ADCYAP1R1: variants seen among roughly 807,000 people sequenced by gnomAD.
The protein encoded by ADCYAP1R1 is pituitary adenylate cyclase-activating polypeptide type I receptor.
A neutral mutation model predicts 67.6 loss-of-function variants in ADCYAP1R1; 44 were observed. The ratio of observed to expected loss-of-function variants is 0.65; its 90% confidence interval spans 0.51 to 0.84. ADCYAP1R1 has a LOEUF of 0.84. Ranked by LOEUF, ADCYAP1R1 falls within the 40% of genes least tolerant of loss-of-function variation. ADCYAP1R1 has a pLI of 0.00. For missense variants in ADCYAP1R1, 477 were observed against 587.9 expected (o/e 0.81, Z 1.95); for synonymous variants, 222 against 219.6 (o/e 1.01, Z -0.10).
intron 12 of ADCYAP1R1, 100 bp from the exon 13 acceptor site, chr7:31,092,544 A>G (rs1796005149): frequency 1.2e-6 from 1 of 826,154 alleles, no homozygotes; most frequent in Non-Finnish European, 2.0e-6. Flanking sequence ...TTAGAAGTGT[A>G]GATGGGATCT....
intron 13 of ADCYAP1R1, among the ~76,000 whole-genome samples, chr7:31,094,390 C>T (rs1432316899): frequency 6.6e-6 from 1 of 152,038 alleles, no homozygotes; most frequent in Non-Finnish European, 1.5e-5. Flanking sequence ...GGACACTGCC[C>T]TTGTGTCTGG....
chr7:31,092,843 A>G (rs1409346653), intron 13 of ADCYAP1R1, 108 bp downstream of exon 13: 5 of 749,650 alleles, frequency 6.7e-6, no homozygotes, highest in South Asian at 3.4e-5. Context: ...GTGACCTAGC[A>G]TCAGCATTTG....
In ADCYAP1R1 at chr7:31,085,308, A is replaced by C; in HGVS notation, c.537-2A>C. The C allele has an allele frequency of 6.2e-7, 1 of 1,613,032 alleles. No individual in the cohort carries two copies. The highest frequency in any genetic ancestry group is 8.5e-7 in the Non-Finnish European group (1 of 1,179,528). On this transcript the variant is annotated splice_acceptor_variant, in intron 8 of 15. Transcript: ENST00000304166. LOFTEE classifies it high-confidence loss of function. Reference sequence around the variant, plus strand: ...TCTTTCTCCCCTGGCCCACTCATGTAGGAAGCTGCACTGCACACGCAACTT... The same window carrying C: ...TCTTTCTCCCCTGGCCCACTCATGTCGGAAGCTGCACTGCACACGCAACTT...
At chr7:31,092,286 C>G (rs1338111661) in intron 12 of ADCYAP1R1, among the ~76,000 whole-genome samples, 2 of 151,726 alleles carry the variant, frequency 1.3e-5, no homozygotes, top group Non-Finnish European at 2.9e-5. Flanking sequence ...CTTGGAATTT[C>G]TCTACAGAAC....
intron 14 of ADCYAP1R1, among the ~76,000 whole-genome samples, chr7:31,104,136 C>T (rs1256983240): frequency 6.6e-6 from 1 of 152,130 alleles, no homozygotes; most frequent in Non-Finnish European, 1.5e-5. Context: ...TGGGTCTCAC[C>T]TGAGACTGGC....
chr7:31,083,261 A>T (rs886339274), intron 6 of ADCYAP1R1, among the ~76,000 whole-genome samples: 12 of 152,238 alleles, frequency 7.9e-5, no homozygotes, highest in Non-Finnish European at 1.2e-4. Context: ...CCTGCCCTGG[A>T]CATGAGTGGC....
chr7:31,066,555 A>G (rs1794746922), intron 3 of ADCYAP1R1, among the ~76,000 whole-genome samples: 1 of 150,242 alleles, frequency 6.7e-6, no homozygotes, highest in Non-Finnish European at 1.5e-5. Context: ...AGAGGAAGAG[A>G]TGAGTTCTTT....
At chr7:31,080,581 CTT>C (rs774231445) in intron 4 of ADCYAP1R1, 30 bp from the exon 5 acceptor site, 2 of 1,610,924 alleles carry the variant, frequency 1.2e-6, no homozygotes, top group Admixed American at 1.7e-5. Context: ...TCACCTCTGA[CTT>C]TTCTCTCTCT....
At position 31,106,618 on chromosome 7, in the gene ADCYAP1R1, C is replaced by T. The variant is rs1363620684; in HGVS notation, c.1341C>T (p.Ser447=). ...SSGVNGGTQL[S]ILSKSSSQIR... is the part of the protein sequence containing the mutation. ...GGGTGAATGGGGGCACCCAGCTCTC[C>T]ATCCTGAGCAAGAGCAGCTCCCAAA... The change falls in exon 16 of 16, where the codon TCC becomes TCT. Residue 447 remains serine (S), a synonymous_variant. Transcript: ENST00000304166. The T allele has an allele frequency of 3.1e-6, 5 of 1,613,818 alleles. No individual in the cohort carries two copies. The highest frequency in any genetic ancestry group is 1.3e-5 in the African/African-American group (1 of 74,952).
At chr7:31,056,133 A>G (rs188870349) in intron 1 of ADCYAP1R1, among the ~76,000 whole-genome samples, 1 of 152,120 alleles carries the variant, frequency 6.6e-6, no homozygotes, top group Non-Finnish European at 1.5e-5. Flanking sequence ...CACAATGAAC[A>G]TGATGAGACC....
intron 6 of ADCYAP1R1, 44 bp from the exon 7 acceptor site, chr7:31,084,097 T>C (rs758875833): frequency 6.4e-7 from 1 of 1,556,706 alleles, no homozygotes; most frequent in South Asian, 1.1e-5. Context: ...TTCAGGGCCC[T>C]CTTAATCATT....
Position 31,063,203 on chromosome 7 carries a change from A to G in ADCYAP1R1, c.-62A>G. On this transcript the variant is annotated 5_prime_UTR_variant, in exon 2 of 16. Transcript: ENST00000304166. ...TTTCCTTCCTCTCTAGCCCAGAGAC[A>G]CATTGGGGCTGACCTGCCGCTGCTG... is the stretch of plus-strand genomic sequence containing the variant. 1 of 1,598,528 alleles carries G rather than the reference A, an allele frequency of 6.3e-7. No homozygotes were observed. The highest frequency in any genetic ancestry group is 8.6e-7 in the Non-Finnish European group (1 of 1,165,874).
At chr7:31,096,996 C>A (rs2267737) in intron 13 of ADCYAP1R1, among the ~76,000 whole-genome samples, 82,213 of 152,178 alleles carry the variant, frequency 0.54, 23,134 homozygotes, top group African/African-American at 0.7. Context: ...CCCTGCACAC[C>A]ACAGCTGCGG....
chr7:31,101,899 A>C (rs1283910067), intron 13 of ADCYAP1R1, among the ~76,000 whole-genome samples: 1 of 152,210 alleles, frequency 6.6e-6, no homozygotes, highest in Non-Finnish European at 1.5e-5. Flanking sequence ...CTTGTCTGTG[A>C]GCAGGGCGGA....
At chr7:31,084,447 G>T (rs1362456505) in intron 7 of ADCYAP1R1, among the ~76,000 whole-genome samples, 197 bp downstream of exon 7, 1 of 152,210 alleles carries the variant, frequency 6.6e-6, no homozygotes, top group Admixed American at 6.5e-5. Flanking sequence ...CCAGCAAGGG[G>T]CTTCCTGGAC....
rs188709201 is a variant in ADCYAP1R1 at position 31,063,394 on chromosome 7, A to G, written c.51+79A>G. 8 of 1,526,684 alleles carry G rather than the reference A, an allele frequency of 5.2e-6. No homozygotes were observed. The East Asian group carries it at 1.8e-4, about 34-fold the overall frequency. The allele number at this position is 1,526,684 out of a possible 1,614,324, so 94.6% of individuals were successfully genotyped here. On this transcript the variant is annotated intron_variant, in intron 2 of 15. Coordinates refer to ENST00000304166, the MANE Select transcript of ADCYAP1R1 (RefSeq NM_001118.5). ...TCCAGAGAACTCATGTTTTTTCTGTACCCTCAGCTCAGCTCTTCATCTGGC... is the reference window on the plus strand; with the variant it reads ...TCCAGAGAACTCATGTTTTTTCTGTGCCCTCAGCTCAGCTCTTCATCTGGC...
At chr7:31,053,445 G>A (rs549634543) in intron 1 of ADCYAP1R1, among the ~76,000 whole-genome samples, 37 of 152,338 alleles carry the variant, frequency 2.4e-4, no homozygotes, top group Middle Eastern at 3.4e-3. Context: ...GCGGGGGGCG[G>A]AGGCCACATC....
chr7:31,058,389 G>T (rs1419578964), intron 1 of ADCYAP1R1, among the ~76,000 whole-genome samples: 1 of 152,208 alleles, frequency 6.6e-6, no homozygotes, highest in African/African-American at 2.4e-5. Context: ...GGACATGGCT[G>T]CTGTAGTCAG....
intron 13 of ADCYAP1R1, among the ~76,000 whole-genome samples, chr7:31,098,611 T>A (rs1044707483): frequency 6.7e-6 from 1 of 149,950 alleles, no homozygotes; most frequent in African/African-American, 2.4e-5. Context: ...GAAAAGGGGA[T>A]CTGTAGTGCC....
Sources: allele counts gnomAD v4.1 joint callset (sites outside exome capture counted in the v4.1 genomes callset), GRCh38; gene constraint gnomAD v4.1.1; transcripts MANE v1.5; gene names NCBI Gene and HGNC (gene_info 2026-07-23, HGNC 2026-07-21).